Variants in SMARCC1 observed in about 807,000 individuals in gnomAD.
The protein encoded by SMARCC1 is SWI/SNF related BAF chromatin remodeling complex subunit C1, also known as SWI/SNF complex subunit SMARCC1.
A neutral mutation model predicts 147.4 loss-of-function variants in SMARCC1; 43 were observed. That is an observed-to-expected ratio of 0.29 (90% CI 0.23 to 0.38). The LOEUF (loss-of-function observed/expected upper bound fraction) is 0.38, where lower values mean the gene tolerates loss of function less well. Ranked by LOEUF, SMARCC1 falls within the 10% of genes least tolerant of loss-of-function variation. SMARCC1 has a pLI of 1.00. For synonymous variants in SMARCC1, 495 were observed against 484.4 expected (o/e 1.02, Z -0.29); for missense variants, 1,119 against 1,381.1 (o/e 0.81, Z 3.01).
Position 47,700,489 on chromosome 3 carries a change from T to C in SMARCC1, c.1165+789A>G, listed in dbSNP as rs1189635269. Among the ~76,000 whole-genome samples the C allele has an allele frequency of 3.3e-5, 5 of 152,176 alleles. No homozygotes were observed. In the South Asian group the frequency reaches 8.3e-4, roughly 25 times the overall value. ...TTAATGGTCAATAAAAAATACCTTA[T>C]CAATAAAGAACATTTTGGGTTGTTT... On this transcript the variant is annotated intron_variant, in intron 11 of 27. Coordinates refer to ENST00000254480, the MANE Select transcript of SMARCC1 (RefSeq NM_003074.4).
chr3:47,701,558 T>C, intron 10 of SMARCC1, 156 bp from the exon 11 acceptor site: 1 of 670,616 alleles, frequency 1.5e-6, no homozygotes, highest in Non-Finnish European at 2.5e-6. Flanking sequence ...TTCATGCCTG[T>C]AATCAGAGCA....
intron 26 of SMARCC1, among the ~76,000 whole-genome samples, chr3:47,601,120 TTTC>T (rs1206455266): frequency 6.6e-6 from 1 of 150,872 alleles, no homozygotes; most frequent in Non-Finnish European, 1.5e-5. Context: ...CTTTTTTTCT[TTTC>T]TTTTTTCTTT....
At chr3:47,660,114 A>G (rs2033324176) in intron 21 of SMARCC1, among the ~76,000 whole-genome samples, 1 of 152,144 alleles carries the variant, frequency 6.6e-6, no homozygotes, top group Admixed American at 6.5e-5. Context: ...AAGCTTGTAT[A>G]TAAGTACTCA....
At chr3:47,598,782 C>T (rs1262781394) in intron 26 of SMARCC1, among the ~76,000 whole-genome samples, 13 of 141,922 alleles carry the variant, frequency 9.2e-5, no homozygotes, top group Non-Finnish European at 9.0e-5. Flanking sequence ...GAGCTGAGAT[C>T]ACGCCACTGC....
chr3:47,606,524 G>A (rs1176252527), intron 26 of SMARCC1, among the ~76,000 whole-genome samples: 5 of 152,094 alleles, frequency 3.3e-5, no homozygotes, highest in South Asian at 2.1e-4. Flanking sequence ...GAAAGTAGAC[G>A]CACCTCTCTG....
At chr3:47,650,650 T>C (rs992776567) in intron 21 of SMARCC1, among the ~76,000 whole-genome samples, 3 of 151,774 alleles carry the variant, frequency 2.0e-5, no homozygotes, top group Non-Finnish European at 4.4e-5. Flanking sequence ...ACCCTGTCTC[T>C]ACAATAACTA....
In SMARCC1 at chr3:47,662,325, A is replaced by C. The variant is rs1177091244; in HGVS notation, c.2158+9T>G. ...TTCTGTTGAGGAGATGGTTTAGGGAAGTCCATACCCAAAGCCGCTTTTGCT... is the reference window on the plus strand; with the variant it reads ...TTCTGTTGAGGAGATGGTTTAGGGACGTCCATACCCAAAGCCGCTTTTGCT... On this transcript the variant is annotated intron_variant, in intron 20 of 27. Coordinates refer to ENST00000254480, the MANE Select transcript of SMARCC1 (RefSeq NM_003074.4). The C allele has an allele frequency of 6.2e-7, 1 of 1,612,490 alleles. No homozygotes were observed. The highest frequency in any genetic ancestry group is 1.3e-5 in the African/African-American group (1 of 74,834).
intron 9 of SMARCC1, among the ~76,000 whole-genome samples, chr3:47,709,132 G>A (rs2034053046): frequency 6.6e-6 from 1 of 151,954 alleles, no homozygotes; most frequent in Admixed American, 6.6e-5. Flanking sequence ...GTGGTGGCAC[G>A]TGCCTGTAAT....
chr3:47,738,435 C>T (rs2034470555), intron 3 of SMARCC1, among the ~76,000 whole-genome samples: 1 of 152,174 alleles, frequency 6.6e-6, no homozygotes, highest in African/African-American at 2.4e-5. Context: ...CCTGTAATCC[C>T]AGCACTTTGG....
chr3:47,764,317 T>G (rs990171620), intron 2 of SMARCC1, among the ~76,000 whole-genome samples: 2 of 152,186 alleles, frequency 1.3e-5, no homozygotes, highest in Non-Finnish European at 2.9e-5. Context: ...ATTACAGGCA[T>G]GAGCCAGTGT....
rs898284855 is a variant in SMARCC1, at chr3:47,620,332, G to A, written c.2781+1875C>T. ...CAAAAAATTAGCTGGGCGTGGTGGC[G>A]CACGCCTGTAATCCCAGCTACTCGG... On this transcript the variant is annotated intron_variant, in intron 25 of 27. Transcript: ENST00000254480. Among the ~76,000 whole-genome samples the A allele has an allele frequency of 9.9e-5, 15 of 152,034 alleles. No homozygotes were observed. In the East Asian group the frequency reaches 2.5e-3, roughly 26 times the overall value.
rs1233722122 is a variant in SMARCC1 at position 47,676,306 on chromosome 3, GAA to G, written c.1725+321_1725+322del. Among the ~76,000 whole-genome samples the G allele has an allele frequency of 4.6e-5, 7 of 152,292 alleles. No individual in the cohort carries two copies. In the South Asian group the frequency reaches 1.2e-3, roughly 27 times the overall value. ...AGAACACAGATTGAAGGAAGGGAAA[GAA>G]GATTTTGCATCATCTGCTTACTTAT... On this transcript the variant is annotated intron_variant, in intron 17 of 27. Transcript: ENST00000254480.
chr3:47,781,093 G>T (rs2106887157), intron 1 of SMARCC1, among the ~76,000 whole-genome samples: 1 of 152,242 alleles, frequency 6.6e-6, no homozygotes, highest in South Asian at 2.1e-4. Flanking sequence ...AGCACGATGA[G>T]GTAGAACCGT....
chr3:47,653,025 C>T (rs1173191436), intron 21 of SMARCC1, among the ~76,000 whole-genome samples: 1 of 148,400 alleles, frequency 6.7e-6, no homozygotes, highest in African/African-American at 2.5e-5. Flanking sequence ...GGCGCAATCT[C>T]GGCTCACTGC....
chr3:47,706,923 T>C (rs527598989), intron 9 of SMARCC1, among the ~76,000 whole-genome samples: 6 of 152,208 alleles, frequency 3.9e-5, no homozygotes, highest in African/African-American at 1.4e-4. Context: ...CCTGTGAAAA[T>C]GTAGCATTAT....
At chr3:47,774,493 G>C (rs1365440835) in intron 1 of SMARCC1, among the ~76,000 whole-genome samples, 2 of 151,992 alleles carry the variant, frequency 1.3e-5, no homozygotes. Flanking sequence ...TCTCTGCTCA[G>C]TGCAAGCTCT....
At chr3:47,679,269 G>A (rs2033610697) in intron 15 of SMARCC1, among the ~76,000 whole-genome samples, 1 of 151,584 alleles carries the variant, frequency 6.6e-6, no homozygotes, top group African/African-American at 2.4e-5. Context: ...GGGAGGGTAT[G>A]TACAGTATTG....
At chr3:47,765,586 C>T (rs888570473) in intron 2 of SMARCC1, among the ~76,000 whole-genome samples, 3 of 152,216 alleles carry the variant, frequency 2.0e-5, no homozygotes, top group Admixed American at 6.6e-5. Flanking sequence ...AACTCAAATG[C>T]TCACTTCAAA....
intron 22 of SMARCC1, among the ~76,000 whole-genome samples, chr3:47,637,157 G>A (rs925572149): frequency 1.3e-5 from 2 of 152,112 alleles, no homozygotes; most frequent in African/African-American, 4.8e-5. Flanking sequence ...AACCTTCCAA[G>A]TAGCTGGGAC....
Sources: allele counts gnomAD v4.1 joint callset (sites outside exome capture counted in the v4.1 genomes callset), GRCh38; gene constraint gnomAD v4.1.1; transcripts MANE v1.5; gene names NCBI Gene and HGNC (gene_info 2026-07-23, HGNC 2026-07-21).